The following GAS6 variants were observed in gnomAD, a reference collection of about 807,000 sequenced individuals.
GAS6 encodes growth arrest-specific protein 6.
GAS6 carries 41 observed loss-of-function variants against 75.8 expected under a neutral mutation model. That is an observed-to-expected ratio of 0.54 (90% CI 0.42 to 0.70). GAS6 has a LOEUF of 0.70. Ranked by LOEUF, GAS6 falls within the 30% of genes least tolerant of loss-of-function variation. The pLI is 0.00. For synonymous variants in GAS6, 432 were observed against 412.6 expected (o/e 1.05, Z -0.57); for missense variants, 854 against 940.2 (o/e 0.91, Z 1.20).
At chr13:113,858,199 G>A (rs908058605) in intron 2 of GAS6, among the ~76,000 whole-genome samples, 1 of 152,222 alleles carries the variant, frequency 6.6e-6, no homozygotes, top group African/African-American at 2.4e-5. Flanking sequence ...TGTGTGAGAG[G>A]GTGCACATGT....
At chr13:113,857,529 G>C (rs2051924100) in intron 2 of GAS6, among the ~76,000 whole-genome samples, 1 of 152,154 alleles carries the variant, frequency 6.6e-6, no homozygotes, top group Non-Finnish European at 1.5e-5. Flanking sequence ...TGGAGAAACA[G>C]CTCTCAGTTT....
chr13:113,858,609 CTG>C (rs954567471), intron 2 of GAS6, among the ~76,000 whole-genome samples: 8 of 141,378 alleles, frequency 5.7e-5, no homozygotes, highest in Non-Finnish European at 1.2e-4. Context: ...GTGTACATGT[CTG>C]TGTGTGCCTA....
chr13:113,821,294 GC>G, intron 14 of GAS6: 1 of 494,342 alleles, frequency 2.0e-6, no homozygotes, highest in African/African-American at 1.9e-5. Flanking sequence ...CTTCTTCTGT[GC>G]CCAGTGAGTC....
chr13:113,854,063 G>C (rs772836378), intron 2 of GAS6, among the ~76,000 whole-genome samples: 19 of 152,168 alleles, frequency 1.2e-4, no homozygotes, highest in Non-Finnish European at 2.6e-4. Flanking sequence ...CAGTATACCC[G>C]GCATGCCCAT....
intron 2 of GAS6, among the ~76,000 whole-genome samples, chr13:113,858,822 C>G (rs1304335510): frequency 2.1e-5 from 3 of 140,898 alleles, no homozygotes; most frequent in African/African-American, 8.3e-5. Flanking sequence ...TGAATGTGTG[C>G]ATGTATGTGT....
intron 13 of GAS6, 24 bp downstream of exon 13, chr13:113,823,351 C>G (rs375230851): frequency 5.0e-6 from 8 of 1,593,922 alleles, no homozygotes; most frequent in Non-Finnish European, 6.8e-6. Flanking sequence ...CCGGTCAGGA[C>G]GCCCTGGGTG....
At chr13:113,822,334 G>A (rs1413250073) in intron 13 of GAS6, 148 bp from the exon 14 acceptor site, 5 of 581,586 alleles carry the variant, frequency 8.6e-6, no homozygotes, top group East Asian at 6.4e-5. Context: ...CTGGATGCTC[G>A]CTGACTGTGG....
At chr13:113,823,628 G>T in intron 12 of GAS6, 78 bp from the exon 13 acceptor site, 1 of 1,397,642 alleles carries the variant, frequency 7.2e-7, no homozygotes, top group Non-Finnish European at 9.8e-7. Flanking sequence ...GGCCTCGAGA[G>T]ATGCAGTCCC....
At chr13:113,842,946 C>T in intron 4 of GAS6, 1 of 396,714 alleles carries the variant, frequency 2.5e-6, no homozygotes, top group Non-Finnish European at 4.4e-6. Flanking sequence ...TCCCCAGACT[C>T]ATGCCACCTG....
chr13:113,847,042 C>CTCCG (rs142546022), intron 3 of GAS6: 63 of 506,248 alleles, frequency 1.2e-4, no homozygotes, highest in African/African-American at 1.2e-3. Flanking sequence ...GCAGACATCC[C>CTCCG]GCTAGGGCGG....
rs1015477724 is a variant in GAS6, at chr13:113,863,030, C to G, written c.255+545G>C. Among the ~76,000 whole-genome samples, 3 of 152,316 alleles carry G rather than the reference C, an allele frequency of 2.0e-5. No homozygotes were observed. The East Asian group carries it at 5.8e-4, about 30-fold the overall frequency. Reference sequence around the variant, plus strand: ...GCACCGTCGGGCTCCTGAAAGCACCCGCTGCCTCCAGGAGAGCACCTGGCA... The same window carrying G: ...GCACCGTCGGGCTCCTGAAAGCACCGGCTGCCTCCAGGAGAGCACCTGGCA... On this transcript the variant is annotated intron_variant, in intron 2 of 14. Transcript: ENST00000327773. The surrounding 1 kb of genome is among the most constrained non-coding windows in gnomAD (Gnocchi z 9.4).
chr13:113,853,843 G>C lies in GAS6; in HGVS notation c.256-5793C>G, dbSNP rs541505671. Among the ~76,000 whole-genome samples, 3 of 152,328 alleles carry C rather than the reference G, an allele frequency of 2.0e-5. No homozygotes were observed. In the East Asian group the frequency reaches 5.8e-4, roughly 29 times the overall value. ...TACAGACCCTTGGCCTGGCAGCCCG[G>C]CTCTATTCATGTTCTTCTAGCTTGG... On this transcript the variant is annotated intron_variant, in intron 2 of 14. Transcript: ENST00000327773.
intron 2 of GAS6, among the ~76,000 whole-genome samples, chr13:113,851,585 C>G (rs1305144672): frequency 1.4e-5 from 2 of 141,466 alleles, no homozygotes; most frequent in African/African-American, 3.1e-5. Context: ...GAATGGGTGA[C>G]TGGATGGATG....
At chr13:113,853,533 C>T (rs59799531) in intron 2 of GAS6, among the ~76,000 whole-genome samples, 11,984 of 152,292 alleles carry the variant, frequency 0.079, 594 homozygotes, top group East Asian at 0.17. Context: ...GAATGTATTA[C>T]TCTCTTTAGC....
intron 12 of GAS6, among the ~76,000 whole-genome samples, chr13:113,823,923 C>T (rs768776764): frequency 1.3e-5 from 2 of 152,244 alleles, no homozygotes; most frequent in African/African-American, 4.8e-5. Flanking sequence ...TTCCTCAGAG[C>T]GTGCGTGGCC....
intron 4 of GAS6, chr13:113,842,058 T>C (rs12019772): frequency 0.2 from 17,217 of 86,758 alleles, 3,501 homozygotes; most frequent in South Asian, 0.36. Context: ...TCAATTTCCT[T>C]TGTACGCCCC....
chr13:113,842,771 G>A (rs1162416086), intron 4 of GAS6: 1 of 397,014 alleles, frequency 2.5e-6, no homozygotes, highest in Non-Finnish European at 4.4e-6. Flanking sequence ...CCGCTACGAT[G>A]TTTGGTTAGA....
chr13:113,835,475 C>A, intron 7 of GAS6, 38 bp downstream of exon 7: 7 of 1,604,448 alleles, frequency 4.4e-6, no homozygotes, highest in Non-Finnish European at 4.3e-6. Context: ...TAGACTTGGG[C>A]GTCAGAGAAA....
At position 113,827,183 on chromosome 13, in the gene GAS6, C is replaced by A. The variant is rs1367644588; in HGVS notation, c.1309-19G>T. 2 of 1,606,994 alleles carry A rather than the reference C, an allele frequency of 1.2e-6. No individual in the cohort carries two copies. Among genetic ancestry groups the A allele is most frequent in the East Asian group, 2.2e-5 (1 of 44,708 alleles). On this transcript the variant is annotated intron_variant, in intron 11 of 14. Coordinates refer to ENST00000327773, the MANE Select transcript of GAS6 (RefSeq NM_000820.4). ...GGTTTATCTGGAAAGGCAGAGAAAT[C>A]TCCGTGGCTTCCTGGGAGCGAGAAG...
Sources: allele counts gnomAD v4.1 joint callset (sites outside exome capture counted in the v4.1 genomes callset), GRCh38; gene constraint gnomAD v4.1.1; non-coding constraint Gnocchi (gnomAD v3.1); transcripts MANE v1.5; gene names NCBI Gene and HGNC (gene_info 2026-07-23, HGNC 2026-07-21).